The following SEPSECS variants were observed in gnomAD, a reference collection of about 807,000 sequenced individuals.
The protein encoded by SEPSECS is O-phosphoseryl-tRNA(Sec) selenium transferase.
A neutral mutation model predicts 52.1 loss-of-function variants in SEPSECS; 42 were observed. The observed-to-expected ratio is 0.81, with a 90% CI of 0.63 to 1.04. SEPSECS has a LOEUF of 1.04. Ranked by LOEUF, SEPSECS falls within the 50% of genes least tolerant of loss-of-function variation. The pLI, the probability that SEPSECS is intolerant of heterozygous loss-of-function variation, is 0.00. For synonymous variants in SEPSECS, 216 were observed against 211.4 expected, an observed-to-expected ratio of 1.02 and a Z score of -0.19; for missense variants, 590 against 610.6, an observed-to-expected ratio of 0.97 and a Z score of 0.36.
chr4:25,159,143 T>A, intron 1 of SEPSECS, 36 bp from the exon 2 acceptor site: 17 of 1,474,592 alleles, frequency 1.2e-5, no homozygotes, highest in Non-Finnish European at 1.5e-5. Flanking sequence ...TTATATTTAA[T>A]AAAACTACCG....
chr4:25,147,087 C>T (rs141619927), intron 6 of SEPSECS, among the ~76,000 whole-genome samples: 2 of 152,312 alleles, frequency 1.3e-5, no homozygotes, highest in African/African-American at 4.8e-5. Context: ...ATATTCCAAG[C>T]ACGCTCCTGC....
At chr4:25,151,274 G>C (rs1386800995) in intron 6 of SEPSECS, among the ~76,000 whole-genome samples, 2 of 152,128 alleles carry the variant, frequency 1.3e-5, no homozygotes, top group Non-Finnish European at 2.9e-5. Context: ...CCAGCAAGTG[G>C]GATGAGCAAG....
intron 10 of SEPSECS, chr4:25,125,394 G>C: frequency 3.2e-6 from 1 of 310,494 alleles, no homozygotes; most frequent in Non-Finnish European, 6.0e-6. Flanking sequence ...ACTTGCTGAA[G>C]ATCATCTAAC....
rs1195157455 is a variant in SEPSECS, at chr4:25,120,542, AG to A, written c.*3388del. 6.6e-6 allele frequency: 1 copy of A among 152,184 alleles called. No individual in the cohort carries two copies. Among genetic ancestry groups the A allele is most frequent in the Non-Finnish European group, 1.5e-5 (1 of 67,998 alleles). The allele number at this position is 152,184 out of a possible 1,614,324, so 9.4% of individuals were successfully genotyped here. Reference sequence around the variant, plus strand: ...ATATTCAATTATTATCAAATTATTCAGGTTGTGAGACTTCTAAAATGACCAA... The same window carrying A: ...ATATTCAATTATTATCAAATTATTCAGTTGTGAGACTTCTAAAATGACCAA... On this transcript the variant is annotated 3_prime_UTR_variant, in exon 11 of 11. Transcript: ENST00000382103.
chr4:25,154,000 A>G (rs1334951694), intron 5 of SEPSECS, among the ~76,000 whole-genome samples: 1 of 152,118 alleles, frequency 6.6e-6, no homozygotes, highest in Non-Finnish European at 1.5e-5. Flanking sequence ...TCAAAATGTG[A>G]TTTCTATCAC....
Position 25,148,352 on chromosome 4 carries a change from CAAAAAAA to C in SEPSECS, c.805-3226_805-3220del, listed in dbSNP as rs34262935. On this transcript the variant is annotated intron_variant, in intron 6 of 10. Coordinates refer to ENST00000382103, the MANE Select transcript of SEPSECS (RefSeq NM_016955.4). ...TGGGCGACAGAGCGAGACTCCGTCT[CAAAAAAA>C]AAAAAAAAAAAAAAAAAGCCTAGTA... is the stretch of plus-strand genomic sequence containing the variant. 9.3e-5 allele frequency among the ~76,000 whole-genome samples: 7 copies of C among 75,584 alleles called. No homozygotes were observed. In the South Asian group the frequency reaches 2.8e-3, roughly 31 times the overall value. The allele number at this position is 75,584 out of a possible 152,430, so 49.6% of individuals were successfully genotyped here. A position where few individuals can be genotyped will look rare whatever the true frequency, so the allele number is the denominator to read the frequency against.
chr4:25,157,701 C>T (rs912389284), intron 2 of SEPSECS, among the ~76,000 whole-genome samples: 4 of 152,114 alleles, frequency 2.6e-5, no homozygotes, highest in Non-Finnish European at 5.9e-5. Context: ...CCCGCCACCA[C>T]GCCCGGCTAA....
rs1340934325 is a variant in SEPSECS, at chr4:25,123,404, G to C, written c.*527C>G. 6.1e-6 allele frequency: 1 copy of C among 164,770 alleles called. No individual in the cohort carries two copies. Among genetic ancestry groups the C allele is most frequent in the African/African-American group, 2.4e-5 (1 of 41,546 alleles). The allele number at this position is 164,770 out of a possible 1,614,324, so 10.2% of individuals were successfully genotyped here. On this transcript the variant is annotated 3_prime_UTR_variant, in exon 11 of 11. Coordinates refer to ENST00000382103, the MANE Select transcript of SEPSECS (RefSeq NM_016955.4). ...GTCTGCAGATGCTGTTCAGATAAGC[G>C]AATCATCCCCAGTTGAGACCCACTG... is the stretch of plus-strand genomic sequence containing the variant.
Position 25,123,029 on chromosome 4 carries a change from T to C in SEPSECS, c.*902A>G, listed in dbSNP as rs1398896252. On this transcript the variant is annotated 3_prime_UTR_variant, in exon 11 of 11. Transcript: ENST00000382103. ...GTAAGTGGAATAATGTTTTCCCTTA[T>C]CCAAAAGGAAAAATGCACCAGTGAG... The C allele has an allele frequency of 6.6e-6, 1 of 152,102 alleles. No homozygotes were observed. The highest frequency in any genetic ancestry group is 1.5e-5 in the Non-Finnish European group (1 of 67,998). The allele number at this position is 152,102 out of a possible 1,614,324, so 9.4% of individuals were successfully genotyped here.
At chr4:25,155,298 C>T (rs1192919703) in intron 4 of SEPSECS, 147 bp from the exon 5 acceptor site, 1 of 836,116 alleles carries the variant, frequency 1.2e-6, no homozygotes, top group Non-Finnish European at 1.9e-6. Flanking sequence ...ATACACGGCT[C>T]AGTACTGGTA....
Position 25,152,097 on chromosome 4 carries a change from C to T in SEPSECS, c.702-35G>A, listed in dbSNP as rs767392859. The T allele has an allele frequency of 6.6e-6, 8 of 1,204,678 alleles. No homozygotes were observed. In the Admixed American group the frequency reaches 1.3e-4, roughly 20 times the overall value. 74.6% of individuals were successfully genotyped at this position (1,204,678 alleles called of 1,614,324 possible). On this transcript the variant is annotated intron_variant, in intron 5 of 10. Transcript: ENST00000382103. ...TAAATATTCAATAGAAAGACATACT[C>T]ACACTGTGTTTTATAAATGATAGTG...
chr4:25,131,475 A>C (rs373457982), intron 8 of SEPSECS, among the ~76,000 whole-genome samples: 48 of 152,332 alleles, frequency 3.2e-4, no homozygotes, highest in African/African-American at 1.1e-3. Context: ...TTGGAGGAAA[A>C]CAGTACTAAA....
intron 4 of SEPSECS, among the ~76,000 whole-genome samples, chr4:25,155,694 A>C (rs941509507): frequency 2.6e-5 from 4 of 152,228 alleles, no homozygotes; most frequent in Non-Finnish European, 1.5e-5. Context: ...GATCCATCTC[A>C]TAGCCTACAA....
At chr4:25,137,906 T>C (rs1408531576) in intron 8 of SEPSECS, among the ~76,000 whole-genome samples, 1 of 152,168 alleles carries the variant, frequency 6.6e-6, no homozygotes, top group Non-Finnish European at 1.5e-5. Context: ...TGACATCATG[T>C]CCTTTGCACG....
intron 8 of SEPSECS, among the ~76,000 whole-genome samples, chr4:25,128,360 A>G (rs1369690498): frequency 1.3e-5 from 2 of 152,092 alleles, no homozygotes; most frequent in Non-Finnish European, 2.9e-5. Context: ...CCTTACTTCA[A>G]TTAAAAGAAT....
At chr4:25,144,926 G>C in intron 7 of SEPSECS, 61 bp from the exon 8 acceptor site, 2 of 1,598,160 alleles carry the variant, frequency 1.3e-6, no homozygotes, top group Non-Finnish European at 1.7e-6. Context: ...TGGAAATTAA[G>C]ATTTACTACA....
intron 8 of SEPSECS, among the ~76,000 whole-genome samples, chr4:25,138,932 A>C (rs569324407): frequency 1.3e-5 from 2 of 152,356 alleles, no homozygotes; most frequent in South Asian, 4.1e-4. Context: ...ATAACTGCAC[A>C]GTACTTTGCT....
chr4:25,148,682 A>G (rs531291828), intron 6 of SEPSECS, among the ~76,000 whole-genome samples: 1 of 152,336 alleles, frequency 6.6e-6, no homozygotes, highest in African/African-American at 2.4e-5. Context: ...ACAACAATGT[A>G]TTGTATATTT....
In SEPSECS at chr4:25,131,126, G is replaced by A. The variant is rs544492280; in HGVS notation, c.1027-3769C>T. Among the ~76,000 whole-genome samples, 42 of 152,296 alleles carry A rather than the reference G, an allele frequency of 2.8e-4. No individual in the cohort carries two copies. In the South Asian group the frequency reaches 8.1e-3, roughly 29 times the overall value. ...AGTTCAAGATGTTAATGGAAGAGAA[G>A]TTGAATTATATTAAGCATTATCTTT... On this transcript the variant is annotated intron_variant, in intron 8 of 10. Coordinates refer to ENST00000382103, the MANE Select transcript of SEPSECS (RefSeq NM_016955.4).
Sources: allele counts gnomAD v4.1 joint callset (sites outside exome capture counted in the v4.1 genomes callset), GRCh38; gene constraint gnomAD v4.1.1; transcripts MANE v1.5; gene names NCBI Gene and HGNC (gene_info 2026-07-23, HGNC 2026-07-21).